The following COL6A2 variants were observed in gnomAD, a reference collection of about 807,000 sequenced individuals.
COL6A2 encodes collagen type VI alpha 2 chain, also known as collagen alpha-2(VI) chain.
COL6A2 carries 90 observed loss-of-function variants against 124.9 expected under a neutral mutation model. The ratio of observed to expected loss-of-function variants is 0.72; its 90% CI spans 0.61 to 0.86. COL6A2 has a LOEUF of 0.86. COL6A2 is among the 40% of genes least tolerant of loss of function. The pLI, the probability that COL6A2 is intolerant of heterozygous loss-of-function variation, is 0.00. For missense variants in COL6A2, 1,607 were observed against 1,502.5 expected, an observed-to-expected ratio of 1.07 and a Z score of -1.15; for synonymous variants, 793 against 618.2, an observed-to-expected ratio of 1.28 and a Z score of -4.19.
At chr21:46,099,023 C>A (rs1353860148) in intron 1 of COL6A2, 1 of 152,394 alleles carries the variant, frequency 6.6e-6, no homozygotes, top group Admixed American at 6.5e-5. Flanking sequence ...GCCTAGGACG[C>A]CCCTGGAGAA....
rs115156393 is a variant in COL6A2 at position 46,118,059 on chromosome 21, G to A, written c.1116+123G>A. 1.4e-3 allele frequency: 1,262 copies of A among 910,452 alleles called. 17 individuals are homozygous for A. The African/African-American group carries it at 0.019, about 14-fold the overall frequency. 56.4% of individuals were successfully genotyped at this position (910,452 alleles called of 1,614,324 possible). A position where few individuals can be genotyped will look rare whatever the true frequency, so the allele number is the denominator to read the frequency against. ...TTCTGGAAACACTGGTCAGTGAGGA[G>A]CCAATGGCCGTGGGATGTGGTGGAG... On this transcript the variant is annotated intron_variant, in intron 12 of 27. Transcript: ENST00000300527.
At chr21:46,128,805 C>T in intron 27 of COL6A2, 1 of 1,004,122 alleles carries the variant, frequency 1.0e-6, no homozygotes. Flanking sequence ...CCACCGCAAG[C>T]TTTCTCAGGC....
chr21:46,122,248 C>G (rs974794691), intron 19 of COL6A2, 90 bp downstream of exon 19: 15 of 1,448,542 alleles, frequency 1.0e-5, no homozygotes, highest in Non-Finnish European at 1.4e-5. Context: ...CTCAAGGCCT[C>G]CTCTGTGCAG....
In COL6A2 at chr21:46,132,271, G is replaced by A. The variant is rs746556016; in HGVS notation, c.2779G>A (p.Ala927Thr). Residue 927 changes from alanine to threonine, a missense_variant, in exon 28 of 28, where the codon GCC (alanine) becomes ACC (threonine). Coordinates refer to ENST00000300527, the MANE Select transcript of COL6A2 (RefSeq NM_001849.4). ...VGAGVVHAINAIVRSPRGGAR... is the reference protein window; with the variant it reads ...VGAGVVHAINTIVRSPRGGAR... ...CGCAGGCGTGGTGCACGCCATCAAT[G>A]CCATCGTGCGCAGCCCGCGTGGCGG... 6.2e-7 allele frequency: 1 copy of A among 1,606,454 alleles called. No homozygotes were observed. Among genetic ancestry groups the A allele is most frequent in the Non-Finnish European group, 8.5e-7 (1 of 1,178,796 alleles).
At chr21:46,130,436 G>A (rs940582947) in intron 27 of COL6A2, among the ~76,000 whole-genome samples, 7 of 152,094 alleles carry the variant, frequency 4.6e-5, no homozygotes, top group Non-Finnish European at 7.4e-5. Flanking sequence ...CTGGGCTCCT[G>A]CCGGGCACGG....
chr21:46,125,009 C>A (rs544845768), intron 23 of COL6A2, 89 bp downstream of exon 23: 3 of 1,505,752 alleles, frequency 2.0e-6, no homozygotes, highest in Non-Finnish European at 1.8e-6. Flanking sequence ...TCAGCTGGCA[C>A]GGTCAGAGAG....
At chr21:46,119,193 G>A in intron 14 of COL6A2, 74 bp downstream of exon 14, 2 of 1,161,058 alleles carry the variant, frequency 1.7e-6, no homozygotes, top group Admixed American at 3.9e-5. Context: ...GACCATGGGG[G>A]AAGGGCACCT....
At chr21:46,123,053 T>G in intron 21 of COL6A2, 116 bp downstream of exon 21, 3 of 1,006,628 alleles carry the variant, frequency 3.0e-6, no homozygotes, top group Non-Finnish European at 4.7e-6. Context: ...GCCCCAGCCA[T>G]GAGCACCACC....
At chr21:46,121,417 G>A (rs1159316502) in intron 17 of COL6A2, 139 bp from the exon 18 acceptor site, 24 of 859,962 alleles carry the variant, frequency 2.8e-5, no homozygotes, top group Non-Finnish European at 4.1e-5. Context: ...CAAGACAGAG[G>A]TCCACGGCCC....
chr21:46,121,676 C>G, intron 18 of COL6A2, 58 bp downstream of exon 18: 1 of 1,569,952 alleles, frequency 6.4e-7, no homozygotes, highest in Non-Finnish European at 8.7e-7. Flanking sequence ...GCCTGAGGAG[C>G]AGGACAGGGG....
intron 27 of COL6A2, among the ~76,000 whole-genome samples, chr21:46,127,336 C>G (rs1332329552): frequency 6.6e-6 from 1 of 152,122 alleles, no homozygotes; most frequent in African/African-American, 2.4e-5. Context: ...GGTGTGCGTT[C>G]GGGCGTTCCA....
At chr21:46,120,364 G>C (rs569798242) in intron 15 of COL6A2, 151 bp from the exon 16 acceptor site, 4 of 655,442 alleles carry the variant, frequency 6.1e-6, no homozygotes, top group East Asian at 2.8e-5. Context: ...AGCTATGGGT[G>C]AAACAGGCGA....
At position 46,125,945 on chromosome 21, in the gene COL6A2, C is replaced by A. The variant is rs1173598938; in HGVS notation, c.2130C>A (p.Ala710=). Residue 710 remains alanine (A), a synonymous_variant, in exon 26 of 28, where the codon GCC becomes GCA. Transcript: ENST00000300527. ...GTWTPSALKF[A]YDRLIKESRR... ...GGACACCCTCAGCCCTCAAGTTTGC[C>A]TACGACCGCCTCATCAAGGAGAGCC... 1 of 1,613,154 alleles carries A rather than the reference C, an allele frequency of 6.2e-7. No individual in the cohort carries two copies. The highest frequency in any genetic ancestry group is 1.1e-5 in the South Asian group (1 of 91,072).
Position 46,119,015 on chromosome 21 carries a change from C to G in COL6A2, c.1180-15C>G. 1 of 1,589,946 alleles carries G rather than the reference C, an allele frequency of 6.3e-7. No homozygotes were observed. The highest frequency in any genetic ancestry group is 1.7e-5 in the Admixed American group (1 of 59,950). On this transcript the variant is annotated splice_polypyrimidine_tract_variant and intron_variant, in intron 13 of 27. Coordinates refer to ENST00000300527, the MANE Select transcript of COL6A2 (RefSeq NM_001849.4). ...CCCTGCCTCTGGGTGACTGTGCTGT[C>G]CTCTCCTTCTTCAGGGGTATCAAGG...
intron 1 of COL6A2, among the ~76,000 whole-genome samples, chr21:46,109,833 G>T (rs1482572443): frequency 6.6e-6 from 1 of 152,176 alleles, no homozygotes; most frequent in Admixed American, 6.5e-5. Context: ...GCCTTCCCTG[G>T]CTCCCCAAGA....
At chr21:46,117,805 T>C (rs2078496633) in intron 11 of COL6A2, 69 bp from the exon 12 acceptor site, 5 of 1,513,428 alleles carry the variant, frequency 3.3e-6, no homozygotes, top group East Asian at 2.3e-5. Flanking sequence ...AATGGAGCAC[T>C]TGGGCCCTGG....
chr21:46,132,477 C>A lies in COL6A2; in HGVS notation c.2985C>A (p.Ala995=). ...CGCTCAGCCTGGGTGACCGCGCCGCCGTGTTCCACGAGAAGGACTATGACA... is the reference window on the plus strand; with the variant it reads ...CGCTCAGCCTGGGTGACCGCGCCGCAGTGTTCCACGAGAAGGACTATGACA... The part of the protein sequence containing the change: ...LTTLSLGDRA[A]VFHEKDYDSL... Residue 995 remains alanine, a synonymous_variant, in exon 28 of 28, where the codon GCC becomes GCA. Transcript: ENST00000300527. 6.2e-7 allele frequency: 1 copy of A among 1,606,924 alleles called. No individual in the cohort carries two copies. Among genetic ancestry groups the A allele is most frequent in the Middle Eastern group, 1.7e-4 (1 of 6,056 alleles).
chr21:46,129,326 G>T lies in COL6A2; in HGVS notation c.2462-2628G>T, dbSNP rs143912540. The T allele has an allele frequency of 3.1e-6, 5 of 1,612,908 alleles. No individual in the cohort carries two copies. In the Admixed American group the frequency reaches 6.7e-5, roughly 21 times the overall value. On this transcript the variant is annotated intron_variant, in intron 27 of 27. Transcript: ENST00000300527. Reference sequence around the variant, plus strand: ...ACGCCACGGAGCTCACGCAGGACCCGGCCGCCTACTCCCAGCTGGTGGCCG... The same window carrying T: ...ACGCCACGGAGCTCACGCAGGACCCTGCCGCCTACTCCCAGCTGGTGGCCG...
Position 46,117,914 on chromosome 21 carries a change from A to C in COL6A2, c.1094A>C (p.Glu365Ala). The C allele has an allele frequency of 6.2e-7, 1 of 1,612,768 alleles. No homozygotes were observed. The highest frequency in any genetic ancestry group is 1.3e-5 in the African/African-American group (1 of 74,968). Reference sequence around the variant, plus strand: ...CCGGGGGAAGCAGGGAGTCCAGGGGAGCGAGGAGACCAAGGCGGCAAGGTA... The same window carrying C: ...CCGGGGGAAGCAGGGAGTCCAGGGGCGCGAGGAGACCAAGGCGGCAAGGTA... Reference protein sequence around the residue: ...GYPGEAGSPGERGDQGGKGDP... With the variant: ...GYPGEAGSPGARGDQGGKGDP... Residue 365 changes from glutamate to alanine, a missense_variant, in exon 12 of 28, where the codon GAG becomes GCG. Glu to Ala is a moderately radical substitution (Grantham distance 107). Around this residue, in one of 3 missense-constraint regions of COL6A2, gnomAD observed 1,223 missense variants for 1,052.2 expected, o/e 1.16. Transcript: ENST00000300527.
Sources: allele counts gnomAD v4.1 joint callset (sites outside exome capture counted in the v4.1 genomes callset), GRCh38; gene constraint gnomAD v4.1.1; regional missense constraint gnomAD v4.1.1; transcripts MANE v1.5; gene names NCBI Gene and HGNC (gene_info 2026-07-23, HGNC 2026-07-21).